Variants in SETD2 observed in about 807,000 individuals in gnomAD.
SETD2 encodes SET domain containing 2, histone lysine methyltransferase, also known as histone-lysine N-methyltransferase SETD2.
In SETD2, 31 loss-of-function variants were observed where a neutral mutation model predicts 242.1. The ratio of observed to expected loss-of-function variants is 0.13; its 90% CI spans 0.10 to 0.17. The LOEUF is 0.17. Ranked by LOEUF, SETD2 falls within the 10% of genes least tolerant of loss-of-function variation. SETD2 has a pLI of 1.00. For synonymous variants in SETD2, 1,006 were observed against 1,066.5 expected (o/e 0.94, Z 1.11); for missense variants, 2,481 against 3,046.3 (o/e 0.81, Z 4.37).
At position 47,060,261 on chromosome 3, in the gene SETD2, C is replaced by T. The variant is rs115293106; in HGVS notation, c.6293+1902G>A. ...TGGGCAACAGAGTAAGACCCTGTCTCAACAGAGACCTCATTAGACAGAGAT... is the reference window on the plus strand; with the variant it reads ...TGGGCAACAGAGTAAGACCCTGTCTTAACAGAGACCTCATTAGACAGAGAT... On this transcript the variant is annotated intron_variant, in intron 14 of 20. Coordinates refer to ENST00000409792, the MANE Select transcript of SETD2 (RefSeq NM_014159.7). 6.5e-3 allele frequency among the ~76,000 whole-genome samples: 997 copies of T among 152,268 alleles called. 7 individuals carry two copies. The highest frequency in any genetic ancestry group is 0.01 in the Non-Finnish European group (691 of 68,022).
chr3:47,127,293 G>A (rs1427473111), intron 1 of SETD2, among the ~76,000 whole-genome samples: 2 of 151,944 alleles, frequency 1.3e-5, no homozygotes, highest in African/African-American at 2.4e-5. Flanking sequence ...AGGAGGTCGA[G>A]GCTGCAGGTA....
chr3:47,126,048 G>T (rs2043315371), intron 2 of SETD2, among the ~76,000 whole-genome samples: 1 of 151,998 alleles, frequency 6.6e-6, no homozygotes, highest in Admixed American at 6.5e-5. Context: ...TTATTTTTTT[G>T]AGACAGAGTC....
intron 12 of SETD2, among the ~76,000 whole-genome samples, chr3:47,074,206 A>G (rs1199203539): frequency 6.6e-6 from 1 of 152,234 alleles, no homozygotes; most frequent in Non-Finnish European, 1.5e-5. Flanking sequence ...GGAGCTGAAT[A>G]ATGCTGCCAA....
chr3:47,143,349 A>T (rs2043780028), intron 1 of SETD2, among the ~76,000 whole-genome samples: 1 of 152,190 alleles, frequency 6.6e-6, no homozygotes, highest in Admixed American at 6.5e-5. Context: ...AAGTAGACAT[A>T]AAATTCTGCT....
rs1575643315 is a variant in SETD2 at position 47,017,883 on chromosome 3, G to A, written c.7432-144C>T. On this transcript the variant is annotated intron_variant, in intron 19 of 20. Coordinates refer to ENST00000409792, the MANE Select transcript of SETD2 (RefSeq NM_014159.7). The surrounding 1 kb of genome is among the most constrained non-coding windows in gnomAD (Gnocchi z 4.8). ...CCTCAGGTTAACTGGTTTGGACAGT[G>A]GAATACTAGTAAGCCAGTAAGATCT... 6 of 667,924 alleles carry A rather than the reference G, an allele frequency of 9.0e-6. No homozygotes were observed. The East Asian group carries it at 1.6e-4, about 18-fold the overall frequency. 41.4% of individuals were successfully genotyped at this position (667,924 alleles called of 1,614,324 possible). A position where few individuals can be genotyped will look rare whatever the true frequency, so the allele number is the denominator to read the frequency against.
rs2043212204 is a variant in SETD2 at position 47,123,865 on chromosome 3, G to T, written c.771C>A (p.Asp257Glu). The change falls in exon 3 of 21, where the codon GAC becomes GAA. Residue 257 changes from aspartate to glutamate, a missense_variant. By Grantham distance (45) the Asp-to-Glu change is conservative (BLOSUM62 2). Coordinates refer to ENST00000409792, the MANE Select transcript of SETD2 (RefSeq NM_014159.7). ...GTTCTTCTAAACTATTAGATATAGT[G>T]TCCTGCTTAGTATCTGCTTCTAAAG... ...PESLEADTKQ[D>E]TISNSLEEHV... 6.4e-7 allele frequency: 1 copy of T among 1,551,140 alleles called. No individual in the cohort carries two copies. Among genetic ancestry groups the T allele is most frequent in the African/African-American group, 1.4e-5 (1 of 73,148 alleles).
Position 47,050,723 on chromosome 3 carries a change from C to CCTTTTTTTTT in SETD2, c.6964-4103_6964-4102insAAAAAAAAAG, listed in dbSNP as rs1483439791. Among the ~76,000 whole-genome samples, 80 of 66,890 alleles carry CCTTTTTTTTT rather than the reference C, an allele frequency of 1.2e-3. 1 individual carries two copies. The highest frequency in any genetic ancestry group is 1.9e-3 in the Non-Finnish European group (74 of 38,398). The allele number at this position is 66,890 out of a possible 152,430, so 43.9% of individuals were successfully genotyped here. A position where few individuals can be genotyped will look rare whatever the true frequency, so the allele number is the denominator to read the frequency against. On this transcript the variant is annotated intron_variant, in intron 15 of 20. Transcript: ENST00000409792. Reference sequence around the variant, plus strand: ...CTCAACCTGTATACATTTCCTCTCTCTTTTTTTTTTTTTTTTTTTTTTTTT... The same window carrying CCTTTTTTTTT: ...CTCAACCTGTATACATTTCCTCTCTCCTTTTTTTTTTTTTTTTTTTTTTTTTTTTTTTTTT...
At chr3:47,031,049 G>C (rs1285601041) in intron 18 of SETD2, among the ~76,000 whole-genome samples, 2 of 152,206 alleles carry the variant, frequency 1.3e-5, no homozygotes, top group Non-Finnish European at 2.9e-5. Flanking sequence ...AAACTATGAA[G>C]ACTGTAAAAA....
At chr3:47,074,150 ATTCT>A (rs2040948880) in intron 12 of SETD2, among the ~76,000 whole-genome samples, 1 of 152,230 alleles carries the variant, frequency 6.6e-6, no homozygotes, top group African/African-American at 2.4e-5. Flanking sequence ...TGAAAAATAA[ATTCT>A]TTATAAATTG....
At chr3:47,083,299 A>T (rs186919678) in intron 12 of SETD2, among the ~76,000 whole-genome samples, 1 of 152,242 alleles carries the variant, frequency 6.6e-6, no homozygotes, top group Non-Finnish European at 1.5e-5. Flanking sequence ...ATTTACATTC[A>T]ATCATTTTTA....
rs548691217 is a variant in SETD2, at chr3:47,136,313, G to C, written c.72-9650C>G. Among the ~76,000 whole-genome samples the C allele has an allele frequency of 9.2e-5, 14 of 152,108 alleles. No individual in the cohort carries two copies. In the East Asian group the frequency reaches 2.7e-3, roughly 29 times the overall value. ...CATTCTCTAGGTTTTAGCCACATTA[G>C]CCTTCTCTCTGTCCCTCATACATTC... On this transcript the variant is annotated intron_variant, in intron 1 of 20. Coordinates refer to ENST00000409792, the MANE Select transcript of SETD2 (RefSeq NM_014159.7).
intron 18 of SETD2, among the ~76,000 whole-genome samples, chr3:47,027,196 T>A (rs952859976): frequency 2.6e-5 from 4 of 151,706 alleles, no homozygotes; most frequent in Admixed American, 2.0e-4. Flanking sequence ...AAATTAGCCA[T>A]GCGTGGTGGC....
chr3:47,116,028 G>A (rs570394035), intron 4 of SETD2, among the ~76,000 whole-genome samples: 30 of 152,138 alleles, frequency 2.0e-4, no homozygotes, highest in South Asian at 1.5e-3. Flanking sequence ...ACTAATTACC[G>A]GCTAACTATG....
chr3:47,041,705 C>T (rs2039289168), intron 17 of SETD2, among the ~76,000 whole-genome samples: 3 of 151,892 alleles, frequency 2.0e-5, no homozygotes, highest in Non-Finnish European at 2.9e-5. Flanking sequence ...TCTGTCTAAA[C>T]GGTATTTTTT....
intron 13 of SETD2, 25 bp from the exon 14 acceptor site, chr3:47,062,371 G>GC: frequency 7.3e-7 from 1 of 1,366,302 alleles, no homozygotes; most frequent in Non-Finnish European, 9.9e-7. Context: ...TGGTTTGTTT[G>GC]TTTTTTTTTT....
At chr3:47,077,470 G>A (rs907893394) in intron 12 of SETD2, among the ~76,000 whole-genome samples, 5 of 152,160 alleles carry the variant, frequency 3.3e-5, no homozygotes, top group Non-Finnish European at 5.9e-5. Flanking sequence ...AAAGAAGAAT[G>A]AACAACTGAG....
At chr3:47,150,441 G>C (rs1229722008) in intron 1 of SETD2, among the ~76,000 whole-genome samples, 5 of 152,012 alleles carry the variant, frequency 3.3e-5, no homozygotes, top group African/African-American at 1.2e-4. Flanking sequence ...TGAGATTACT[G>C]ATCTGAGAAA....
chr3:47,022,258 C>T (rs547827873), intron 18 of SETD2, among the ~76,000 whole-genome samples: 1 of 149,860 alleles, frequency 6.7e-6, no homozygotes, highest in South Asian at 2.1e-4. Context: ...GGTTCAGTGA[C>T]TCATGCCTGT....
chr3:47,155,078 G>A (rs185254826), intron 1 of SETD2, among the ~76,000 whole-genome samples: 2 of 151,700 alleles, frequency 1.3e-5, no homozygotes, highest in African/African-American at 4.8e-5. Flanking sequence ...TAGTAATAAA[G>A]TACTTCCAAA....
Sources: allele counts gnomAD v4.1 joint callset (sites outside exome capture counted in the v4.1 genomes callset), GRCh38; gene constraint gnomAD v4.1.1; non-coding constraint Gnocchi (gnomAD v3.1); transcripts MANE v1.5; gene names NCBI Gene and HGNC (gene_info 2026-07-23, HGNC 2026-07-21).